NAV2: variants seen among roughly 807,000 people sequenced by gnomAD.
NAV2 encodes the protein neuron navigator 2, also known as helicase, APC down-regulated 1.
A neutral mutation model predicts 223.2 loss-of-function variants in NAV2; 54 were observed. The ratio of observed to expected loss-of-function variants is 0.24; its 90% CI spans 0.19 to 0.30. The LOEUF is 0.30. NAV2 is among the 10% of genes least tolerant of loss of function. NAV2 has a pLI of 1.00. For synonymous variants in NAV2, 1,279 were observed against 1,239.3 expected (o/e 1.03, Z -0.67); for missense variants, 2,806 against 3,147.5 (o/e 0.89, Z 2.60).
Position 19,652,290 on chromosome 11 carries a change from T to A in NAV2, c.76-180194T>A, listed in dbSNP as rs376572292. ...TCCTCATTCCAGGGCTGCTCCGGTC[T>A]GAAGCCAGCAGAGCTGACATGCAGG... On this transcript the variant is annotated intron_variant, in intron 1 of 37. Transcript: ENST00000360655. 1.1e-4 allele frequency among the ~76,000 whole-genome samples: 17 copies of A among 152,172 alleles called. No individual in the cohort carries two copies. The East Asian group carries it at 1.2e-3, about 10-fold the overall frequency.
At chr11:19,755,313 G>C (rs1421253514) in intron 1 of NAV2, among the ~76,000 whole-genome samples, 1 of 152,200 alleles carries the variant, frequency 6.6e-6, no homozygotes, top group Admixed American at 6.5e-5. Context: ...GGTGAAATCT[G>C]AACTCTGTCA....
intron 10 of NAV2, among the ~76,000 whole-genome samples, chr11:19,976,204 G>A (rs925266153): frequency 3.9e-5 from 6 of 152,140 alleles, no homozygotes; most frequent in Admixed American, 1.3e-4. Flanking sequence ...ATCACCTGGG[G>A]GGTTTATGGA....
chr11:19,617,296 A>G (rs769199064), intron 1 of NAV2, among the ~76,000 whole-genome samples: 2 of 152,130 alleles, frequency 1.3e-5, no homozygotes, highest in Non-Finnish European at 2.9e-5. Flanking sequence ...GGGTGTTAGG[A>G]GGACATCTTA....
intron 4 of NAV2, among the ~76,000 whole-genome samples, chr11:19,875,456 G>A (rs1290054479): frequency 6.6e-6 from 1 of 152,202 alleles, no homozygotes; most frequent in Non-Finnish European, 1.5e-5. Flanking sequence ...GGTACTTGAA[G>A]TACAGTTTCT....
At chr11:19,405,072 A>G (rs191395990) in intron 1 of NAV2, among the ~76,000 whole-genome samples, 5 of 152,304 alleles carry the variant, frequency 3.3e-5, no homozygotes, top group Non-Finnish European at 7.4e-5. Flanking sequence ...GGTCCGTGGA[A>G]GACAGGAATT....
intron 1 of NAV2, among the ~76,000 whole-genome samples, chr11:19,533,215 C>A (rs2044081434): frequency 6.6e-6 from 1 of 151,576 alleles, no homozygotes; most frequent in Non-Finnish European, 1.5e-5. Flanking sequence ...TTAACCTCAG[C>A]ACAATTGACG....
intron 1 of NAV2, among the ~76,000 whole-genome samples, chr11:19,804,589 G>A (rs1465049920): frequency 6.6e-6 from 1 of 152,174 alleles, no homozygotes; most frequent in African/African-American, 2.4e-5. Flanking sequence ...AGTGGATAAT[G>A]TGTTCCCTTG....
chr11:19,897,621 C>T (rs577405978), intron 6 of NAV2, among the ~76,000 whole-genome samples: 10 of 152,116 alleles, frequency 6.6e-5, no homozygotes, highest in Non-Finnish European at 1.2e-4. Context: ...GAAATTCATT[C>T]ACTTGTTCCA....
intron 1 of NAV2, among the ~76,000 whole-genome samples, chr11:19,601,714 A>T (rs1463947176): frequency 6.6e-6 from 1 of 152,134 alleles, no homozygotes; most frequent in Non-Finnish European, 1.5e-5. Context: ...AGAGACTAGG[A>T]TCTTCTCTCT....
chr11:19,651,136 G>C (rs554963069), intron 1 of NAV2, among the ~76,000 whole-genome samples: 2 of 152,266 alleles, frequency 1.3e-5, no homozygotes, highest in African/African-American at 4.8e-5. Context: ...GTTCAAGGTA[G>C]CTCTTGGGAG....
At chr11:19,737,338 T>C (rs141799247) in intron 1 of NAV2, among the ~76,000 whole-genome samples, 1 of 152,314 alleles carries the variant, frequency 6.6e-6, no homozygotes, top group East Asian at 1.9e-4. Context: ...TACAGTGCTA[T>C]GCATCGTGGG....
intron 11 of NAV2, among the ~76,000 whole-genome samples, chr11:20,019,995 A>T (rs894356773): frequency 8.8e-6 from 1 of 113,204 alleles, no homozygotes; most frequent in Admixed American, 9.4e-5. Flanking sequence ...GGCATGAGGT[A>T]AAAAAAAAAA....
At chr11:19,818,280 T>A (rs1409481592) in intron 1 of NAV2, among the ~76,000 whole-genome samples, 1 of 136,696 alleles carries the variant, frequency 7.3e-6, no homozygotes, top group Non-Finnish European at 1.6e-5. Context: ...CTCACCTGTC[T>A]ATACTCAGTG....
intron 1 of NAV2, among the ~76,000 whole-genome samples, chr11:19,564,098 G>A (rs1367138879): frequency 6.7e-6 from 1 of 149,176 alleles, no homozygotes; most frequent in Non-Finnish European, 1.5e-5. Flanking sequence ...CTGAACCCCC[G>A]ACCCCTACCC....
At chr11:19,884,217 C>T (rs929321020) in intron 5 of NAV2, 2 of 1,072,656 alleles carry the variant, frequency 1.9e-6, no homozygotes, top group Non-Finnish European at 2.9e-6. Context: ...TGTCAGAAGA[C>T]TCTTAGGATT....
intron 1 of NAV2, among the ~76,000 whole-genome samples, chr11:19,512,474 G>C (rs2702643): frequency 0.8 from 121,722 of 152,088 alleles, 49,459 homozygotes; most frequent in Non-Finnish European, 0.88. Flanking sequence ...AGGGAGGCTA[G>C]ATGACGGGGA....
At chr11:19,431,413 A>C (rs1421722823) in intron 1 of NAV2, among the ~76,000 whole-genome samples, 1 of 152,234 alleles carries the variant, frequency 6.6e-6, no homozygotes, top group African/African-American at 2.4e-5. Flanking sequence ...TGCTATGCTG[A>C]GAAATGAGAC....
chr11:19,558,972 C>T (rs528117410), intron 1 of NAV2, among the ~76,000 whole-genome samples: 14 of 152,298 alleles, frequency 9.2e-5, no homozygotes, highest in Admixed American at 3.3e-4. Context: ...AGCCTCTTAC[C>T]GCCTTGCCTG....
intron 36 of NAV2, among the ~76,000 whole-genome samples, chr11:20,111,675 AG>A (rs1463238827): frequency 6.6e-6 from 1 of 152,254 alleles, no homozygotes; most frequent in Non-Finnish European, 1.5e-5. Context: ...TGGTGCCTGC[AG>A]GGAACAGGAA....
Sources: gnomAD v4.1 joint callset for allele counts (sites outside exome capture counted in the v4.1 genomes callset) on GRCh38, gnomAD v4.1.1 for gene constraint, MANE v1.5 for transcripts, NCBI Gene and HGNC (gene_info 2026-07-23, HGNC 2026-07-21) for gene names.